GABRR1: variants seen among roughly 807,000 people sequenced by gnomAD.
GABRR1 encodes gamma-aminobutyric acid receptor subunit rho-1.
In GABRR1, 59 loss-of-function variants were observed where a neutral mutation model predicts 55.5. That is an observed-to-expected ratio of 1.06 (90% confidence interval 0.86 to 1.32). The LOEUF (loss-of-function observed/expected upper bound fraction) is 1.32. Ranked by LOEUF, GABRR1 falls within the 40% of genes most tolerant of loss-of-function variation. GABRR1 has a pLI of 0.00. For missense variants in GABRR1, 602 were observed against 619.1 expected (o/e 0.97, Z 0.29); for synonymous variants, 213 against 226.0 (o/e 0.94, Z 0.51).
At chr6:89,213,275 A>G (rs1772883631) in intron 1 of GABRR1, among the ~76,000 whole-genome samples, 2 of 152,220 alleles carry the variant, frequency 1.3e-5, no homozygotes, top group Non-Finnish European at 2.9e-5. Context: ...TATTAGCATG[A>G]CCATGTAAAG....
At chr6:89,206,734 G>T (rs1772659810) in intron 1 of GABRR1, among the ~76,000 whole-genome samples, 1 of 151,380 alleles carries the variant, frequency 6.6e-6, no homozygotes, top group African/African-American at 2.4e-5. Context: ...TCCTGCCTCA[G>T]CCTCCCAAGT....
intron 1 of GABRR1, among the ~76,000 whole-genome samples, 195 bp from the exon 2 acceptor site, chr6:89,203,680 G>T (rs1276844290): frequency 6.6e-6 from 1 of 152,180 alleles, no homozygotes; most frequent in Non-Finnish European, 1.5e-5. Flanking sequence ...AGTAGAAACT[G>T]GAGGGTTCAT....
chr6:89,215,812 T>G (rs973494480), intron 1 of GABRR1, among the ~76,000 whole-genome samples: 3 of 152,216 alleles, frequency 2.0e-5, no homozygotes, highest in Non-Finnish European at 2.9e-5. Context: ...ATTTGTCACT[T>G]AAAATTTAAA....
chr6:89,192,783 A>G (rs1772144033), intron 5 of GABRR1, among the ~76,000 whole-genome samples: 1 of 149,976 alleles, frequency 6.7e-6, no homozygotes, highest in Admixed American at 6.6e-5. Context: ...CTGGTCTTGA[A>G]CTCCTAACTT....
chr6:89,221,630 A>T (rs1773116563), upstream of GABRR1, among the ~76,000 whole-genome samples: 1 of 152,162 alleles, frequency 6.6e-6, no homozygotes, highest in South Asian at 2.1e-4. Context: ...GCATCCATGG[A>T]TTTTGGAATC....
chr6:89,214,116 A>G (rs1772913657), intron 1 of GABRR1, among the ~76,000 whole-genome samples: 1 of 151,932 alleles, frequency 6.6e-6, no homozygotes, highest in African/African-American at 2.4e-5. Context: ...CTGCTTTGGC[A>G]AGGACTTCTG....
At chr6:89,195,128 A>C (rs1312415110) in intron 5 of GABRR1, among the ~76,000 whole-genome samples, 10 of 152,158 alleles carry the variant, frequency 6.6e-5, no homozygotes, top group Non-Finnish European at 1.3e-4. Flanking sequence ...AGAGGATCCC[A>C]AAAGCAGCAA....
intron 6 of GABRR1, among the ~76,000 whole-genome samples, chr6:89,187,902 G>C (rs1771961430): frequency 6.6e-6 from 1 of 152,120 alleles, no homozygotes; most frequent in Admixed American, 6.6e-5. Context: ...TCATGTTTTA[G>C]CAATTGTGAA....
At chr6:89,184,722 T>C (rs1238669485) in intron 7 of GABRR1, among the ~76,000 whole-genome samples, 2 of 152,138 alleles carry the variant, frequency 1.3e-5, no homozygotes, top group Admixed American at 6.5e-5. Context: ...GGCAATGCGA[T>C]TGTCTCAAAT....
In GABRR1 at chr6:89,182,386, T is replaced by TA. The variant is rs372643636; in HGVS notation, c.797-330_797-329insT. The stretch of plus-strand genomic sequence containing the variant: ...GTGCAATCTTGGCTCACAGCAGCCT[T>TA]GAACTCCTGGGTGCAAGCAATCCTC... On this transcript the variant is annotated intron_variant, in intron 7 of 9. Coordinates refer to ENST00000454853, the MANE Select transcript of GABRR1 (RefSeq NM_002042.5). Among the ~76,000 whole-genome samples the TA allele has an allele frequency of 4.4e-3, 667 of 152,246 alleles. 3 individuals are homozygous for TA. Among genetic ancestry groups the TA allele is most frequent in the African/African-American group, 0.016 (644 of 41,528 alleles).
At chr6:89,220,097 GAACAGGACAATAAGGCAT>G (rs1773091613), upstream of GABRR1, among the ~76,000 whole-genome samples, 1 of 152,182 alleles carries the variant, frequency 6.6e-6, no homozygotes, top group South Asian at 2.1e-4. Flanking sequence ...ACATCAAAAT[GAACAGGACAATAAGGCAT>G]TAAATTGGGG....
intron 1 of GABRR1, among the ~76,000 whole-genome samples, chr6:89,222,376 C>G (rs1019596240): frequency 6.6e-6 from 1 of 152,234 alleles, no homozygotes; most frequent in African/African-American, 2.4e-5. Context: ...TGTAAACCCA[C>G]TTTGTGGGGC....
At chr6:89,220,527 A>G (rs1773098940), upstream of GABRR1, among the ~76,000 whole-genome samples, 1 of 152,144 alleles carries the variant, frequency 6.6e-6, no homozygotes. Flanking sequence ...TTGCTTGTAA[A>G]TGTTCTTAAT....
intron 1 of GABRR1, among the ~76,000 whole-genome samples, chr6:89,209,353 A>G (rs1265139401): frequency 6.6e-6 from 1 of 152,148 alleles, no homozygotes; most frequent in Non-Finnish European, 1.5e-5. Context: ...TATAGAACGT[A>G]CTACTTTCTA....
At chr6:89,185,537 C>T (rs1771877217) in intron 6 of GABRR1, 87 bp from the exon 7 acceptor site, 2 of 1,099,226 alleles carry the variant, frequency 1.8e-6, no homozygotes, top group Non-Finnish European at 1.4e-6. Flanking sequence ...GTCCTGACCT[C>T]CCACACTGAC....
At chr6:89,185,001 C>CA (rs1188900513) in intron 7 of GABRR1, among the ~76,000 whole-genome samples, 1 of 151,586 alleles carries the variant, frequency 6.6e-6, no homozygotes, top group Non-Finnish European at 1.5e-5. Flanking sequence ...TCTCCCACCT[C>CA]AGCCTTCCAG....
chr6:89,180,590 G>C, intron 8 of GABRR1, 102 bp from the exon 9 acceptor site: 1 of 1,385,170 alleles, frequency 7.2e-7, no homozygotes, highest in Non-Finnish European at 9.9e-7. Context: ...CCTCAATCTA[G>C]AATGTCTCCA....
At chr6:89,203,189 G>A (rs113390930) in intron 2 of GABRR1, among the ~76,000 whole-genome samples, 2,588 of 152,216 alleles carry the variant, frequency 0.017, 69 homozygotes, top group African/African-American at 0.054. Flanking sequence ...GGAGGAAGCC[G>A]GGCTTGTCAA....
chr6:89,178,564 C>G lies in GABRR1; in HGVS notation c.*206G>C. 3.4e-6 allele frequency: 2 copies of G among 583,806 alleles called. No individual in the cohort carries two copies. Among genetic ancestry groups the G allele is most frequent in the South Asian group, 4.1e-5 (2 of 48,524 alleles). 36.2% of individuals were successfully genotyped at this position (583,806 alleles called of 1,614,324 possible). Reference sequence around the variant, plus strand: ...ATTTCCTGCAGCACCTAATATAATGCTGTGTATTCAATAGATGGTTAATAA... The same window carrying G: ...ATTTCCTGCAGCACCTAATATAATGGTGTGTATTCAATAGATGGTTAATAA... On this transcript the variant is annotated 3_prime_UTR_variant, in exon 10 of 10. Transcript: ENST00000454853.
Sources: allele counts gnomAD v4.1 joint callset (sites outside exome capture counted in the v4.1 genomes callset), GRCh38; gene constraint gnomAD v4.1.1; transcripts MANE v1.5; gene names NCBI Gene and HGNC (gene_info 2026-07-23, HGNC 2026-07-21).